The following CNTNAP2 variants were observed in gnomAD, a reference collection of about 807,000 sequenced individuals.
CNTNAP2 encodes the protein contactin-associated protein-like 2.
In CNTNAP2, 98 loss-of-function variants were observed where a neutral mutation model predicts 155.2. The observed-to-expected ratio is 0.63, with a 90% CI of 0.54 to 0.75. The LOEUF (loss-of-function observed/expected upper bound fraction) is 0.75, where lower values mean the gene tolerates loss of function less well. CNTNAP2 is among the 30% of genes least tolerant of loss of function. The pLI is 0.00. For synonymous variants in CNTNAP2, 651 were observed against 631.2 expected (o/e 1.03, Z -0.47); for missense variants, 1,727 against 1,688.1 (o/e 1.02, Z -0.40).
chr7:148,233,282 A>AT (rs1341719868), intron 20 of CNTNAP2, among the ~76,000 whole-genome samples: 1 of 151,478 alleles, frequency 6.6e-6, no homozygotes, highest in Non-Finnish European at 1.5e-5. Context: ...TTTCCTTCCT[A>AT]TTTTTTCCTT....
At chr7:147,954,179 T>C (rs1419809294) in intron 14 of CNTNAP2, among the ~76,000 whole-genome samples, 1 of 152,154 alleles carries the variant, frequency 6.6e-6, no homozygotes, top group African/African-American at 2.4e-5. Context: ...TAAATGAAGA[T>C]GACTTTAATA....
chr7:148,255,962 T>G (rs1796447131), intron 20 of CNTNAP2, among the ~76,000 whole-genome samples: 1 of 152,166 alleles, frequency 6.6e-6, no homozygotes, highest in Non-Finnish European at 1.5e-5. Flanking sequence ...CTGCTTCCCC[T>G]TCTAAGTTTG....
intron 15 of CNTNAP2, among the ~76,000 whole-genome samples, chr7:148,057,870 C>G (rs1006784256): frequency 3.3e-5 from 5 of 151,808 alleles, no homozygotes; most frequent in Non-Finnish European, 7.4e-5. Context: ...GCTTCAAATT[C>G]TCTATCAGAA....
intron 3 of CNTNAP2, among the ~76,000 whole-genome samples, chr7:147,020,611 C>T (rs961574415): frequency 2.0e-4 from 30 of 152,266 alleles, no homozygotes; most frequent in African/African-American, 6.7e-4. Flanking sequence ...ATATACACTC[C>T]GTAAGGCCCA....
chr7:148,277,831 A>G (rs1796902410), intron 21 of CNTNAP2, among the ~76,000 whole-genome samples: 1 of 150,178 alleles, frequency 6.7e-6, no homozygotes, highest in African/African-American at 2.4e-5. Flanking sequence ...ACTTCCTACA[A>G]AAAAAAAAAG....
At chr7:146,765,877 G>T (rs947180748) in intron 1 of CNTNAP2, among the ~76,000 whole-genome samples, 1 of 152,096 alleles carries the variant, frequency 6.6e-6, no homozygotes, top group African/African-American at 2.4e-5. Context: ...GCTGGACAGC[G>T]GAGAGGATGG....
intron 21 of CNTNAP2, among the ~76,000 whole-genome samples, chr7:148,350,405 G>A (rs1798407251): frequency 6.6e-6 from 1 of 152,208 alleles, no homozygotes; most frequent in African/African-American, 2.4e-5. Context: ...GGATTCATGA[G>A]TAGTAAGTCC....
chr7:148,029,969 A>G (rs529091703), intron 15 of CNTNAP2, among the ~76,000 whole-genome samples: 1 of 152,228 alleles, frequency 6.6e-6, no homozygotes, highest in African/African-American at 2.4e-5. Flanking sequence ...ACATCCTAGA[A>G]TCAATGTCTT....
chr7:146,540,737 T>G (rs2129140972), intron 1 of CNTNAP2, among the ~76,000 whole-genome samples: 1 of 152,194 alleles, frequency 6.6e-6, no homozygotes, highest in Admixed American at 6.6e-5. Flanking sequence ...AGTACTGCTC[T>G]TTGAGGGCTA....
At chr7:146,491,868 G>A (rs1797145260) in intron 1 of CNTNAP2, among the ~76,000 whole-genome samples, 1 of 152,064 alleles carries the variant, frequency 6.6e-6, no homozygotes, top group Non-Finnish European at 1.5e-5. Flanking sequence ...CTTCTATTAT[G>A]TGTCTGCTTG....
chr7:147,540,711 A>T (rs1362843220), intron 11 of CNTNAP2, among the ~76,000 whole-genome samples: 1 of 152,020 alleles, frequency 6.6e-6, no homozygotes, highest in Non-Finnish European at 1.5e-5. Flanking sequence ...CGTGCCTGTA[A>T]TCCCAGCTAC....
chr7:147,703,434 A>G (rs1280885059), intron 13 of CNTNAP2, among the ~76,000 whole-genome samples: 1 of 152,212 alleles, frequency 6.6e-6, no homozygotes, highest in African/African-American at 2.4e-5. Flanking sequence ...ACTGAAAGGC[A>G]ATTTCAGTTA....
At chr7:146,758,010 C>A (rs926175933) in intron 1 of CNTNAP2, among the ~76,000 whole-genome samples, 2 of 152,090 alleles carry the variant, frequency 1.3e-5, no homozygotes, top group African/African-American at 2.4e-5. Flanking sequence ...AGCTTCAAAA[C>A]CAAACAGTGT....
chr7:148,328,621 A>C (rs1797932856), intron 21 of CNTNAP2, among the ~76,000 whole-genome samples: 1 of 152,068 alleles, frequency 6.6e-6, no homozygotes, highest in African/African-American at 2.4e-5. Context: ...GGGCTGGGTC[A>C]CAGACAGTTT....
chr7:148,311,978 A>G (rs1211900888), intron 21 of CNTNAP2, among the ~76,000 whole-genome samples: 1 of 152,204 alleles, frequency 6.6e-6, no homozygotes, highest in Admixed American at 6.5e-5. Context: ...TTCAACAAAG[A>G]GTGAGTACAC....
intron 1 of CNTNAP2, among the ~76,000 whole-genome samples, chr7:146,561,776 A>G (rs1798283106): frequency 6.6e-6 from 1 of 152,092 alleles, no homozygotes; most frequent in Admixed American, 6.6e-5. Flanking sequence ...ATTTATTCCT[A>G]CAAATTTTTG....
intron 14 of CNTNAP2, among the ~76,000 whole-genome samples, chr7:147,971,152 C>A (rs1034624881): frequency 1.9e-4 from 29 of 152,122 alleles, no homozygotes; most frequent in African/African-American, 7.0e-4. Context: ...GTAGAAGACA[C>A]CAAAGCCAGG....
chr7:147,809,118 C>G (rs376574125), intron 13 of CNTNAP2, among the ~76,000 whole-genome samples: 2 of 152,158 alleles, frequency 1.3e-5, no homozygotes, highest in South Asian at 4.1e-4. Context: ...ACTGGCAGCA[C>G]GAGCAGGCAG....
intron 9 of CNTNAP2, among the ~76,000 whole-genome samples, chr7:147,337,843 G>T (rs996857415): frequency 1.3e-5 from 2 of 152,088 alleles, no homozygotes; most frequent in African/African-American, 4.8e-5. Flanking sequence ...TGGAATAGAA[G>T]AAAAATAACT....
Sources: allele counts gnomAD v4.1 joint callset (sites outside exome capture counted in the v4.1 genomes callset), GRCh38; gene constraint gnomAD v4.1.1; transcripts MANE v1.5; gene names NCBI Gene and HGNC (gene_info 2026-07-23, HGNC 2026-07-21).